The following ALDH1A2 variants were observed in gnomAD, a reference collection of about 807,000 sequenced individuals.
The protein encoded by ALDH1A2 is aldehyde dehydrogenase 1 family member A2, also known as retinal dehydrogenase 2.
Under a neutral mutation model 60.3 loss-of-function variants are expected in ALDH1A2, and 27 were observed. That is an observed-to-expected ratio of 0.45 (90% CI 0.33 to 0.62). The LOEUF (loss-of-function observed/expected upper bound fraction) is 0.62, where lower values mean the gene tolerates loss of function less well. Ranked by LOEUF, ALDH1A2 falls within the 20% of genes least tolerant of loss-of-function variation. The probability of loss-of-function intolerance (pLI) is 0.02; values close to 1 mark genes in which losing one functional copy is unlikely to be tolerated. For synonymous variants in ALDH1A2, 289 were observed against 232.4 expected, an observed-to-expected ratio of 1.24 and a Z score of -2.21; for missense variants, 581 against 643.8, an observed-to-expected ratio of 0.90 and a Z score of 1.06.
At chr15:58,040,376 C>T (rs1279010071) in intron 1 of ALDH1A2, among the ~76,000 whole-genome samples, 2 of 151,924 alleles carry the variant, frequency 1.3e-5, no homozygotes, top group African/African-American at 4.8e-5. Context: ...GACAGATAAT[C>T]TAGGGAGCAG....
intron 4 of ALDH1A2, among the ~76,000 whole-genome samples, chr15:58,007,204 C>G (rs1393998663): frequency 1.3e-5 from 2 of 151,978 alleles, no homozygotes; most frequent in East Asian, 3.9e-4. Flanking sequence ...TGATCAGAAG[C>G]TCACAGGAAC....
intron 7 of ALDH1A2, among the ~76,000 whole-genome samples, chr15:57,968,043 T>TCA (rs1271910137): frequency 6.6e-6 from 1 of 152,120 alleles, no homozygotes. Context: ...GGGAGGGGTG[T>TCA]TCCCTGAGGA....
At chr15:58,019,950 T>G (rs778460369) in intron 1 of ALDH1A2, among the ~76,000 whole-genome samples, 8 of 152,074 alleles carry the variant, frequency 5.3e-5, no homozygotes, top group Non-Finnish European at 1.0e-4. Context: ...CCCCCATGCA[T>G]TAGCTTTTTT....
chr15:58,054,618 C>A (rs1369858608), intron 1 of ALDH1A2, among the ~76,000 whole-genome samples: 3 of 152,058 alleles, frequency 2.0e-5, no homozygotes, highest in Non-Finnish European at 4.4e-5. Context: ...AAATTATAGC[C>A]CAGTTACACA....
rs1159550770 is a variant in ALDH1A2 at position 57,995,238 on chromosome 15, A to AC, written c.494-100_494-99insG. On this transcript the variant is annotated intron_variant, in intron 4 of 12. Transcript: ENST00000249750. ...GCTGCAAAAAAAAAAAAAAAAAAACAAACAGAAATAAACTTGAAAAAACAT... is the reference window on the plus strand; with the variant it reads ...GCTGCAAAAAAAAAAAAAAAAAAACACAACAGAAATAAACTTGAAAAAACAT... 4.8e-6 allele frequency: 4 copies of AC among 826,624 alleles called. No individual in the cohort carries two copies. In the East Asian group the frequency reaches 7.9e-5, roughly 16 times the overall value. 51.2% of individuals were successfully genotyped at this position (826,624 alleles called of 1,614,324 possible). A position where few individuals can be genotyped will look rare whatever the true frequency, so the allele number is the denominator to read the frequency against.
chr15:58,010,860 AAG>A lies in ALDH1A2; in HGVS notation c.364-84_364-83del, dbSNP rs879045922. 1.2e-3 allele frequency: 1,906 copies of A among 1,551,702 alleles called. 29 individuals carry two copies. The South Asian group carries it at 0.015, about 12-fold the overall frequency. ...AATTTCTAGAGCAGAAGAAAAAAGG[AAG>A]AGAGAGAATACAAATGCATATGGAG... On this transcript the variant is annotated intron_variant, in intron 3 of 12. Transcript: ENST00000249750.
chr15:58,017,814 AAAAAT>A (rs1181575674), intron 1 of ALDH1A2, among the ~76,000 whole-genome samples: 2 of 152,152 alleles, frequency 1.3e-5, no homozygotes, highest in East Asian at 3.8e-4. Flanking sequence ...TCATAAAAAT[AAAAAT>A]AAAAATAAAA....
At chr15:58,028,226 A>C (rs1481874443) in intron 1 of ALDH1A2, among the ~76,000 whole-genome samples, 1 of 152,236 alleles carries the variant, frequency 6.6e-6, no homozygotes. Flanking sequence ...AAAAGCCAGA[A>C]GAGAGTGGGG....
intron 7 of ALDH1A2, among the ~76,000 whole-genome samples, chr15:57,989,599 T>G (rs1415443882): frequency 1.3e-5 from 2 of 152,110 alleles, no homozygotes; most frequent in African/African-American, 4.8e-5. Context: ...CCTGTATAGT[T>G]TGGTGCAAAA....
chr15:58,022,437 CCTA>C lies in ALDH1A2; in HGVS notation c.118-8159_118-8157del, dbSNP rs1279669394. Among the ~76,000 whole-genome samples, 16 of 152,258 alleles carry C rather than the reference CCTA, an allele frequency of 1.1e-4. 1 individual carries two copies. Among genetic ancestry groups the C allele is most frequent in the African/African-American group, 3.9e-4 (16 of 41,532 alleles). On this transcript the variant is annotated intron_variant, in intron 1 of 12. Coordinates refer to ENST00000249750, the MANE Select transcript of ALDH1A2 (RefSeq NM_003888.4). The stretch of plus-strand genomic sequence containing the variant: ...CACTACTCAGGATGCAGAGGATCAT[CCTA>C]CTACTGCTACTGCCATTGCCATGCC...
intron 3 of ALDH1A2, among the ~76,000 whole-genome samples, chr15:58,011,257 G>A (rs529990878): frequency 6.6e-6 from 1 of 152,138 alleles, no homozygotes; most frequent in African/African-American, 2.4e-5. Context: ...TGCACAGCAA[G>A]TTTATTTATT....
intron 7 of ALDH1A2, among the ~76,000 whole-genome samples, chr15:57,987,253 A>G (rs1486638253): frequency 6.6e-6 from 1 of 152,184 alleles, no homozygotes; most frequent in African/African-American, 2.4e-5. Flanking sequence ...AGCAAAAAAA[A>G]AAGATTTGAA....
chr15:58,025,598 ATCC>A (rs1246167211), intron 1 of ALDH1A2, among the ~76,000 whole-genome samples: 1 of 152,168 alleles, frequency 6.6e-6, no homozygotes, highest in Admixed American at 6.5e-5. Context: ...ACTAACATCA[ATCC>A]TCCTGAAACT....
At chr15:57,991,634 A>AT (rs2140489786) in intron 7 of ALDH1A2, 1 of 152,356 alleles carries the variant, frequency 6.6e-6, no homozygotes, top group African/African-American at 2.4e-5. Context: ...AAGAATGCAT[A>AT]TGAAAAAGAA....
chr15:58,001,050 AAAAG>A (rs1190966048), intron 4 of ALDH1A2, among the ~76,000 whole-genome samples: 3 of 151,208 alleles, frequency 2.0e-5, no homozygotes, highest in African/African-American at 7.3e-5. Context: ...AAAAAAAAAA[AAAAG>A]AATGAAAACA....
At chr15:57,964,162 T>A in intron 8 of ALDH1A2, 93 bp from the exon 9 acceptor site, 1 of 1,374,850 alleles carries the variant, frequency 7.3e-7, no homozygotes, top group African/African-American at 1.4e-5. Flanking sequence ...GCCCTAGGTA[T>A]AGTGTGCTCA....
chr15:58,014,435 C>T, intron 1 of ALDH1A2, 154 bp from the exon 2 acceptor site: 1 of 709,902 alleles, frequency 1.4e-6, no homozygotes, highest in South Asian at 1.5e-5. Flanking sequence ...AGACTCAACG[C>T]CAATTTAGGA....
intron 1 of ALDH1A2, among the ~76,000 whole-genome samples, chr15:58,023,918 A>G (rs1381761180): frequency 4.6e-5 from 7 of 151,928 alleles, no homozygotes; most frequent in African/African-American, 1.7e-4. Context: ...TCATGGAGAA[A>G]CCTCCTCTCC....
At position 58,054,836 on chromosome 15, in the gene ALDH1A2, G is replaced by A. The variant is rs558672861; in HGVS notation, c.117+10698C>T. 3.3e-5 allele frequency among the ~76,000 whole-genome samples: 5 copies of A among 152,230 alleles called. No homozygotes were observed. In the East Asian group the frequency reaches 5.8e-4, roughly 18 times the overall value. ...CAACCAATGAGGATTGAAAAACATC[G>A]TTCTTTATCATAACCTAAAAAATCA... On this transcript the variant is annotated intron_variant, in intron 1 of 12. Coordinates refer to ENST00000249750, the MANE Select transcript of ALDH1A2 (RefSeq NM_003888.4).
Sources: gnomAD v4.1 joint callset for allele counts (sites outside exome capture counted in the v4.1 genomes callset) on GRCh38, gnomAD v4.1.1 for gene constraint, MANE v1.5 for transcripts, NCBI Gene and HGNC (gene_info 2026-07-23, HGNC 2026-07-21) for gene names.